Variants in NOVA1 observed in about 807,000 individuals in gnomAD.
The protein encoded by NOVA1 is NOVA alternative splicing regulator 1, also known as RNA-binding protein Nova-1.
NOVA1 carries 7 observed loss-of-function variants against 38.0 expected under a neutral mutation model. That is an observed-to-expected ratio of 0.18 (90% CI 0.10 to 0.35). NOVA1 has a LOEUF of 0.35. NOVA1 is among the 10% of genes least tolerant of loss of function. NOVA1 has a pLI of 1.00. For missense variants in NOVA1, 460 were observed against 616.0 expected (o/e 0.75, Z 2.68); for synonymous variants, 270 against 232.5 (o/e 1.16, Z -1.47).
At chr14:26,502,391 G>A (rs1356373323) in intron 2 of NOVA1, among the ~76,000 whole-genome samples, 8 of 151,726 alleles carry the variant, frequency 5.3e-5, no homozygotes, top group Admixed American at 5.3e-4. Context: ...AGCTATTAAA[G>A]CCATAGTAAA....
intron 2 of NOVA1, among the ~76,000 whole-genome samples, chr14:26,495,377 G>T (rs1313663546): frequency 2.0e-5 from 3 of 152,162 alleles, no homozygotes; most frequent in Non-Finnish European, 4.4e-5. Context: ...CAGGAACTTG[G>T]ACTGTTTTGT....
intron 2 of NOVA1, among the ~76,000 whole-genome samples, chr14:26,583,564 C>T (rs1457628862): frequency 1.3e-5 from 2 of 151,362 alleles, no homozygotes; most frequent in Non-Finnish European, 3.0e-5. Flanking sequence ...ACACAAGTAG[C>T]CAATAATTGC....
At chr14:26,455,587 T>TA (rs1324427840) in intron 4 of NOVA1, among the ~76,000 whole-genome samples, 1 of 148,638 alleles carries the variant, frequency 6.7e-6, no homozygotes, top group Admixed American at 6.7e-5. Flanking sequence ...AAATTTAACT[T>TA]ACTTATTTTT....
intron 2 of NOVA1, among the ~76,000 whole-genome samples, chr14:26,543,940 T>C (rs1360904296): frequency 1.4e-5 from 2 of 139,748 alleles, no homozygotes; most frequent in Non-Finnish European, 3.2e-5. Flanking sequence ...AGCTTATAGA[T>C]TGATTGAGAA....
rs191814329 is a variant in NOVA1 at position 26,532,389 on chromosome 14, T to A, written c.281-52246A>T. Among the ~76,000 whole-genome samples the A allele has an allele frequency of 3.7e-4, 56 of 152,250 alleles. No individual in the cohort carries two copies. The East Asian group carries it at 9.8e-3, about 27-fold the overall frequency. ...TTACACATGCAAAATCAGGGATGAA[T>A]CTCAGAAACATGATTCAGAGCAAAA... On this transcript the variant is annotated intron_variant, in intron 2 of 4. Transcript: ENST00000539517.
At chr14:26,473,829 G>T (rs1884775905) in intron 3 of NOVA1, among the ~76,000 whole-genome samples, 1 of 151,752 alleles carries the variant, frequency 6.6e-6, no homozygotes, top group Admixed American at 6.6e-5. Context: ...ACAAAAAAGG[G>T]GTAGGACAGC....
At chr14:26,567,407 T>G (rs188493264) in intron 2 of NOVA1, among the ~76,000 whole-genome samples, 5 of 144,366 alleles carry the variant, frequency 3.5e-5, no homozygotes, top group Non-Finnish European at 6.0e-5. Flanking sequence ...ACGATTCCCC[T>G]ACCTCAGCCT....
At chr14:26,488,284 A>AT (rs1566470412) in intron 2 of NOVA1, among the ~76,000 whole-genome samples, 2 of 152,192 alleles carry the variant, frequency 1.3e-5, no homozygotes, top group African/African-American at 4.8e-5. Flanking sequence ...ATGAGAGTAT[A>AT]TTTTTCAGAA....
At chr14:26,530,429 T>C (rs2138548711) in intron 2 of NOVA1, among the ~76,000 whole-genome samples, 1 of 152,336 alleles carries the variant, frequency 6.6e-6, no homozygotes, top group Non-Finnish European at 1.5e-5. Context: ...TATGTTCATT[T>C]AGGCTTACAA....
chr14:26,500,931 T>C (rs1887202463), intron 2 of NOVA1, among the ~76,000 whole-genome samples: 1 of 151,978 alleles, frequency 6.6e-6, no homozygotes, highest in Non-Finnish European at 1.5e-5. Flanking sequence ...AAAGTGCATT[T>C]ATGTCCTCAG....
chr14:26,452,463 T>C (rs539225613), intron 4 of NOVA1, among the ~76,000 whole-genome samples: 5 of 152,288 alleles, frequency 3.3e-5, no homozygotes, highest in African/African-American at 1.2e-4. Context: ...GCAAAGAGAA[T>C]TATGTAAGAT....
chr14:26,534,050 T>C (rs148062275), intron 2 of NOVA1, among the ~76,000 whole-genome samples: 50 of 152,200 alleles, frequency 3.3e-4, no homozygotes, highest in Non-Finnish European at 6.0e-4. Flanking sequence ...AGAGGAAAAA[T>C]AGAATGTCTT....
intron 2 of NOVA1, among the ~76,000 whole-genome samples, chr14:26,524,272 G>A (rs529150342): frequency 1.5e-3 from 224 of 152,138 alleles, no homozygotes; most frequent in Middle Eastern, 6.8e-3. Flanking sequence ...TGGTGCCTGC[G>A]GGATCAAATA....
intron 3 of NOVA1, among the ~76,000 whole-genome samples, chr14:26,477,292 ACTTT>A (rs1376479137): frequency 2.0e-5 from 3 of 152,152 alleles, no homozygotes; most frequent in African/African-American, 7.2e-5. Context: ...TTGATATCTT[ACTTT>A]GATTTTTTTT....
chr14:26,487,014 T>C (rs1885970690), intron 2 of NOVA1, among the ~76,000 whole-genome samples: 1 of 152,160 alleles, frequency 6.6e-6, no homozygotes, highest in African/African-American at 2.4e-5. Flanking sequence ...TCACTTTTCA[T>C]ATTGTCTTTA....
chr14:26,573,522 C>G (rs950908125), intron 2 of NOVA1, among the ~76,000 whole-genome samples: 2 of 151,550 alleles, frequency 1.3e-5, no homozygotes, highest in Non-Finnish European at 2.9e-5. Flanking sequence ...TTTAAAAGAT[C>G]CAAAAGAATG....
chr14:26,529,969 G>C (rs1325862974), intron 2 of NOVA1, among the ~76,000 whole-genome samples: 2 of 152,070 alleles, frequency 1.3e-5, no homozygotes, highest in Admixed American at 6.5e-5. Flanking sequence ...GCCCAGGCTG[G>C]AGAGCAGTGG....
At chr14:26,561,230 G>C (rs1256336966) in intron 2 of NOVA1, among the ~76,000 whole-genome samples, 1 of 152,182 alleles carries the variant, frequency 6.6e-6, no homozygotes, top group Non-Finnish European at 1.5e-5. Context: ...GACCGGACCA[G>C]AGCAGGGTTA....
intron 2 of NOVA1, among the ~76,000 whole-genome samples, chr14:26,545,811 G>C (rs1236617213): frequency 6.6e-6 from 1 of 151,984 alleles, no homozygotes; most frequent in Non-Finnish European, 1.5e-5. Flanking sequence ...ACATTAGAAA[G>C]ATTATATACA....
Sources: allele counts gnomAD v4.1 joint callset (sites outside exome capture counted in the v4.1 genomes callset), GRCh38; gene constraint gnomAD v4.1.1; transcripts MANE v1.5; gene names NCBI Gene and HGNC (gene_info 2026-07-23, HGNC 2026-07-21).